SLC24A2: variants seen among roughly 807,000 people sequenced by gnomAD.
SLC24A2 encodes sodium/potassium/calcium exchanger 2.
A neutral mutation model predicts 62.0 loss-of-function variants in SLC24A2; 36 were observed. The ratio of observed to expected loss-of-function variants is 0.58; its 90% CI spans 0.44 to 0.77. The LOEUF is 0.77. Among genes scored for constraint, SLC24A2 ranks in the 30% least tolerant of loss-of-function variants. The pLI is 0.00. For synonymous variants in SLC24A2, 358 were observed against 294.0 expected (o/e 1.22, Z -2.23); for missense variants, 846 against 817.9 (o/e 1.03, Z -0.42).
chr9:19,508,009 A>G lies in SLC24A2; in HGVS notation c.*8144T>C, dbSNP rs1250820697. 6.6e-6 allele frequency: 1 copy of G among 152,224 alleles called. No homozygotes were observed. The highest frequency in any genetic ancestry group is 2.4e-5 in the African/African-American group (1 of 41,476). The allele number at this position is 152,224 out of a possible 1,614,324, so 9.4% of individuals were successfully genotyped here. On this transcript the variant is annotated 3_prime_UTR_variant, in exon 11 of 11. Transcript: ENST00000341998. The stretch of plus-strand genomic sequence containing the variant: ...ACAACATTTTCTTTGTTTTAACCGT[A>G]TCTGAAGAACAAAAGTATAATTTCT...
intron 7 of SLC24A2, among the ~76,000 whole-genome samples, chr9:19,557,698 G>A (rs905942984): frequency 2.0e-5 from 3 of 151,706 alleles, no homozygotes; most frequent in Non-Finnish European, 4.4e-5. Flanking sequence ...TTCATCCATC[G>A]TGCAGCCTGG....
At chr9:19,889,000 G>T in the SLC24A2 span, among the ~76,000 whole-genome samples, 1 of 152,104 alleles carries the variant, frequency 6.6e-6, no homozygotes, top group Non-Finnish European at 1.5e-5. Context: ...CACACCCCTG[G>T]CTCACGAGTC....
At chr9:19,805,822 T>C in the SLC24A2 span, among the ~76,000 whole-genome samples, 23 of 148,984 alleles carry the variant, frequency 1.5e-4, no homozygotes, top group African/African-American at 5.0e-4. Flanking sequence ...AACACTTTCA[T>C]GGGTCTGAGT....
At chr9:20,221,215 G>T in the SLC24A2 span, among the ~76,000 whole-genome samples, 1 of 152,036 alleles carries the variant, frequency 6.6e-6, no homozygotes, top group Non-Finnish European at 1.5e-5. Flanking sequence ...AGGGTGGGGG[G>T]TGCAATTTGA....
chr9:19,943,635 C>A, the SLC24A2 span, among the ~76,000 whole-genome samples: 1 of 152,272 alleles, frequency 6.6e-6, no homozygotes, highest in Non-Finnish European at 1.5e-5. Flanking sequence ...ATTAGGAGAG[C>A]ACTTTGCAGC....
chr9:19,931,664 T>C, the SLC24A2 span, among the ~76,000 whole-genome samples: 3 of 152,162 alleles, frequency 2.0e-5, no homozygotes, highest in Admixed American at 6.5e-5. Flanking sequence ...ACTAAACATT[T>C]TGGTTTGCCC....
Position 19,509,943 on chromosome 9 carries a change from G to GTGT in SLC24A2, c.*6209_*6210insACA, listed in dbSNP as rs1563917499. The GTGT allele has an allele frequency of 1.3e-5, 2 of 152,102 alleles. No homozygotes were observed. The highest frequency in any genetic ancestry group is 2.9e-5 in the Non-Finnish European group (2 of 68,026). 9.4% of individuals were successfully genotyped at this position (152,102 alleles called of 1,614,324 possible). A position where few individuals can be genotyped will look rare whatever the true frequency, so the allele number is the denominator to read the frequency against. On this transcript the variant is annotated 3_prime_UTR_variant, in exon 11 of 11. Transcript: ENST00000341998. ...ATCCTATCCAACCTACCACACAAAAGGATATAAACACACTGCAGTACTGGT... is the reference window on the plus strand; with the variant it reads ...ATCCTATCCAACCTACCACACAAAAGTGTGATATAAACACACTGCAGTACTGGT...
At chr9:20,056,373 T>C in the SLC24A2 span, among the ~76,000 whole-genome samples, 2 of 152,294 alleles carry the variant, frequency 1.3e-5, no homozygotes, top group South Asian at 4.1e-4. Context: ...CAAAGTCACA[T>C]TGTTAGACAA....
intron 7 of SLC24A2, among the ~76,000 whole-genome samples, chr9:19,567,731 G>T (rs1835715358): frequency 1.3e-5 from 2 of 148,782 alleles, no homozygotes; most frequent in Admixed American, 6.7e-5. Flanking sequence ...TAAATTCTCA[G>T]TGGCATCCCA....
the SLC24A2 span, among the ~76,000 whole-genome samples, chr9:19,854,216 A>C: frequency 6.6e-6 from 1 of 151,922 alleles, no homozygotes; most frequent in African/African-American, 2.4e-5. Context: ...TCTAGCTAGC[A>C]GTCTATCTAT....
chr9:19,644,979 C>A (rs1818601580), intron 2 of SLC24A2, among the ~76,000 whole-genome samples: 1 of 152,044 alleles, frequency 6.6e-6, no homozygotes, highest in Non-Finnish European at 1.5e-5. Context: ...TTTGAACAGG[C>A]ATGAAACTAT....
intron 4 of SLC24A2, among the ~76,000 whole-genome samples, chr9:19,614,675 G>C (rs1022540860): frequency 6.6e-6 from 1 of 151,882 alleles, no homozygotes; most frequent in African/African-American, 2.4e-5. Flanking sequence ...AAGCCTTGCA[G>C]CTTCTGCTTG....
the SLC24A2 span, among the ~76,000 whole-genome samples, chr9:20,014,438 G>T: frequency 2.7e-5 from 4 of 150,750 alleles, no homozygotes; most frequent in African/African-American, 9.8e-5. Flanking sequence ...CACGATTACT[G>T]CAGCATTATT....
At chr9:20,257,576 G>T in the SLC24A2 span, among the ~76,000 whole-genome samples, 2 of 152,094 alleles carry the variant, frequency 1.3e-5, no homozygotes, top group Non-Finnish European at 2.9e-5. Flanking sequence ...ATGTTTATAA[G>T]TACAGAAAGA....
chr9:19,633,596 T>G (rs1818231341), intron 2 of SLC24A2, among the ~76,000 whole-genome samples: 1 of 152,182 alleles, frequency 6.6e-6, no homozygotes. Flanking sequence ...CTTGTACTCC[T>G]GGGCTCAAGT....
At chr9:20,298,308 T>C in the SLC24A2 span, among the ~76,000 whole-genome samples, 1 of 152,214 alleles carries the variant, frequency 6.6e-6, no homozygotes, top group Non-Finnish European at 1.5e-5. Context: ...CGGCTCACTG[T>C]ACCTCCACCT....
chr9:20,194,085 T>C, the SLC24A2 span, among the ~76,000 whole-genome samples: 2 of 152,112 alleles, frequency 1.3e-5, no homozygotes, highest in African/African-American at 4.8e-5. Flanking sequence ...AGCTGGGTTT[T>C]TTTTTGGGAA....
intron 4 of SLC24A2, among the ~76,000 whole-genome samples, chr9:19,605,508 C>A (rs915729706): frequency 2.6e-5 from 4 of 152,138 alleles, no homozygotes; most frequent in Non-Finnish European, 5.9e-5. Flanking sequence ...CAATGAGAAG[C>A]TGATGAATAG....
chr9:19,727,849 A>ACAAAT (rs1209859598), intron 2 of SLC24A2, among the ~76,000 whole-genome samples: 2 of 152,224 alleles, frequency 1.3e-5, no homozygotes, highest in Admixed American at 6.5e-5. Context: ...ATCAGAAACT[A>ACAAAT]CAAATCGAGA....
Sources: gnomAD v4.1 joint callset for allele counts (sites outside exome capture counted in the v4.1 genomes callset) on GRCh38, gnomAD v4.1.1 for gene constraint, MANE v1.5 for transcripts, NCBI Gene and HGNC (gene_info 2026-07-23, HGNC 2026-07-21) for gene names.